Variants in GRID1 observed in about 807,000 individuals in gnomAD.
GRID1 encodes glutamate receptor ionotropic, delta-1.
A neutral mutation model predicts 98.0 loss-of-function variants in GRID1; 28 were observed. That is an observed-to-expected ratio of 0.29 (90% CI 0.21 to 0.39). The LOEUF is 0.39. Ranked by LOEUF, GRID1 falls within the 10% of genes least tolerant of loss-of-function variation. The probability of loss-of-function intolerance (pLI) is 1.00; values close to 1 mark genes in which losing one functional copy is unlikely to be tolerated. For synonymous variants in GRID1, 553 were observed against 538.5 expected, an observed-to-expected ratio of 1.03 and a Z score of -0.37; for missense variants, 1,111 against 1,340.5, an observed-to-expected ratio of 0.83 and a Z score of 2.67.
intron 12 of GRID1, among the ~76,000 whole-genome samples, chr10:85,673,512 C>T (rs35215356): frequency 0.24 from 36,192 of 152,048 alleles, 4,588 homozygotes; most frequent in Non-Finnish European, 0.28. Flanking sequence ...ACTGCCACAG[C>T]CACTCCTACC....
At chr10:85,693,386 A>T (rs1028334133) in intron 12 of GRID1, among the ~76,000 whole-genome samples, 1 of 152,176 alleles carries the variant, frequency 6.6e-6, no homozygotes, top group African/African-American at 2.4e-5. Flanking sequence ...ATAAAGATGG[A>T]TATATGTCAT....
chr10:86,005,348 T>C (rs1156250605), intron 4 of GRID1, among the ~76,000 whole-genome samples: 5 of 112,060 alleles, frequency 4.5e-5, no homozygotes, highest in African/African-American at 1.4e-4. Context: ...GTAAAATAAA[T>C]TGAAAAAAAA....
intron 4 of GRID1, among the ~76,000 whole-genome samples, chr10:86,026,833 G>A (rs1423350896): frequency 1.3e-5 from 2 of 152,230 alleles, no homozygotes; most frequent in African/African-American, 2.4e-5. Context: ...CGTGTGGGGT[G>A]TGAATCCCAG....
intron 4 of GRID1, among the ~76,000 whole-genome samples, chr10:86,099,171 T>C (rs1211810946): frequency 6.6e-6 from 1 of 152,126 alleles, no homozygotes. Flanking sequence ...GGTAGCACAG[T>C]GGTTCTGAGT....
intron 13 of GRID1, among the ~76,000 whole-genome samples, chr10:85,641,985 G>T (rs1016166051): frequency 6.6e-6 from 1 of 152,202 alleles, no homozygotes; most frequent in African/African-American, 2.4e-5. Context: ...TGATTATATA[G>T]AGTTAGAGGA....
chr10:85,892,051 T>C (rs889692095), intron 5 of GRID1, among the ~76,000 whole-genome samples: 1 of 151,164 alleles, frequency 6.6e-6, no homozygotes, highest in Non-Finnish European at 1.5e-5. Flanking sequence ...GGGAGAAAAA[T>C]AAAAGGCACA....
intron 6 of GRID1, among the ~76,000 whole-genome samples, chr10:85,862,029 C>T (rs1321622096): frequency 1.3e-5 from 2 of 152,202 alleles, no homozygotes; most frequent in Non-Finnish European, 2.9e-5. Context: ...AAGGGCAGAG[C>T]CCCAGTTGCT....
intron 13 of GRID1, 128 bp from the exon 14 acceptor site, chr10:85,620,161 A>C (rs1221039864): frequency 1.4e-6 from 1 of 695,550 alleles, no homozygotes; most frequent in Non-Finnish European, 2.5e-6. Context: ...ACCAGACAGC[A>C]CAGCAACTCT....
chr10:86,012,217 A>G (rs1030632501), intron 4 of GRID1, among the ~76,000 whole-genome samples: 1 of 152,226 alleles, frequency 6.6e-6, no homozygotes, highest in African/African-American at 2.4e-5. Context: ...GTTGATAAAT[A>G]CAAAGATGAG....
chr10:86,067,262 A>G (rs1258640578), intron 4 of GRID1, among the ~76,000 whole-genome samples: 2 of 152,186 alleles, frequency 1.3e-5, no homozygotes, highest in Admixed American at 1.3e-4. Context: ...CTCTGCATGC[A>G]CGCTGGAGGG....
intron 8 of GRID1, among the ~76,000 whole-genome samples, chr10:85,770,105 G>A (rs1231255876): frequency 6.6e-6 from 1 of 152,154 alleles, no homozygotes; most frequent in African/African-American, 2.4e-5. Context: ...ACCTCACACG[G>A]CCGGGTACTC....
At chr10:86,092,060 T>C (rs1407767140) in intron 4 of GRID1, among the ~76,000 whole-genome samples, 3 of 152,054 alleles carry the variant, frequency 2.0e-5, no homozygotes, top group Non-Finnish European at 2.9e-5. Context: ...CCCTGGTAAA[T>C]GACAAAACAA....
intron 2 of GRID1, among the ~76,000 whole-genome samples, chr10:86,220,551 A>G (rs912157982): frequency 1.3e-5 from 2 of 152,138 alleles, no homozygotes; most frequent in African/African-American, 4.8e-5. Context: ...TTCAAACTCA[A>G]AACCAAGCTA....
intron 2 of GRID1, among the ~76,000 whole-genome samples, chr10:86,226,132 C>G (rs1038776318): frequency 1.3e-5 from 2 of 152,008 alleles, no homozygotes; most frequent in Non-Finnish European, 2.9e-5. Flanking sequence ...AAGGACATCC[C>G]GGAAGACCTC....
Position 85,728,047 on chromosome 10 carries a change from C to T in GRID1, c.1341G>A (p.Glu447=). ...TGTTCTCAGCCACCATCACGAAAGG[C>T]TCTTCCTGAGGACAACAGAATGAAG... ...LTLKVVTVLE[E]PFVMVAENIL... Residue 447 remains glutamate, a synonymous_variant, in exon 10 of 16, where the codon GAG becomes GAA. Transcript: ENST00000327946. 2 of 1,610,438 alleles carry T rather than the reference C, an allele frequency of 1.2e-6. No individual in the cohort carries two copies. Among genetic ancestry groups the T allele is most frequent in the Non-Finnish European group, 1.7e-6 (2 of 1,176,694 alleles).
chr10:85,802,886 C>CACACACACACA (rs1590238921), intron 8 of GRID1, among the ~76,000 whole-genome samples: 3 of 141,762 alleles, frequency 2.1e-5, no homozygotes, highest in African/African-American at 7.8e-5. Context: ...CACACACACA[C>CACACACACACA]CAAGGAACAT....
intron 8 of GRID1, among the ~76,000 whole-genome samples, chr10:85,849,653 C>A (rs1843039533): frequency 6.6e-6 from 1 of 152,084 alleles, no homozygotes. Context: ...TGTTCTGGGT[C>A]CTCTGCCAAG....
chr10:86,218,960 C>A (rs1408166202), intron 2 of GRID1, among the ~76,000 whole-genome samples: 1 of 152,208 alleles, frequency 6.6e-6, no homozygotes, highest in Non-Finnish European at 1.5e-5. Flanking sequence ...CCCTGGTCCA[C>A]CCACTATCGA....
intron 8 of GRID1, among the ~76,000 whole-genome samples, chr10:85,814,323 G>A (rs1340213496): frequency 6.6e-6 from 1 of 151,866 alleles, no homozygotes; most frequent in Non-Finnish European, 1.5e-5. Flanking sequence ...AGAATTAAAT[G>A]CTATGTTAAA....
Sources: gnomAD v4.1 joint callset for allele counts (sites outside exome capture counted in the v4.1 genomes callset) on GRCh38, gnomAD v4.1.1 for gene constraint, MANE v1.5 for transcripts, NCBI Gene and HGNC (gene_info 2026-07-23, HGNC 2026-07-21) for gene names.